The following PCBP3 variants were observed in gnomAD, a reference collection of about 807,000 sequenced individuals.
PCBP3 encodes poly(rC)-binding protein 3.
Under a neutral mutation model 52.7 loss-of-function variants are expected in PCBP3, and 25 were observed. That is an observed-to-expected ratio of 0.47 (90% CI 0.35 to 0.66). The LOEUF (loss-of-function observed/expected upper bound fraction) is 0.66, where lower values mean the gene tolerates loss of function less well. PCBP3 is among the 30% of genes least tolerant of loss of function. The pLI is 0.01. For missense variants in PCBP3, 391 were observed against 490.3 expected, an observed-to-expected ratio of 0.80 and a Z score of 1.91; for synonymous variants, 162 against 183.0, an observed-to-expected ratio of 0.89 and a Z score of 0.93.
intron 16 of PCBP3, among the ~76,000 whole-genome samples, chr21:45,938,530 A>G (rs920360605): frequency 3.3e-5 from 5 of 152,182 alleles, no homozygotes; most frequent in Non-Finnish European, 5.9e-5. Context: ...CCATGTGCCA[A>G]TTAGGAAACC....
intron 4 of PCBP3, among the ~76,000 whole-genome samples, chr21:45,831,978 T>C (rs1004815375): frequency 6.6e-6 from 1 of 152,172 alleles, no homozygotes; most frequent in African/African-American, 2.4e-5. Flanking sequence ...CCCAAAGTGC[T>C]GGAATTACAG....
At chr21:45,738,394 A>G (rs1474854237) in intron 3 of PCBP3, among the ~76,000 whole-genome samples, 2 of 151,566 alleles carry the variant, frequency 1.3e-5, no homozygotes, top group Non-Finnish European at 1.5e-5. Context: ...AGCTGGGACT[A>G]CAGACGCCCG....
At chr21:45,819,127 G>A (rs1377879034) in intron 4 of PCBP3, among the ~76,000 whole-genome samples, 3 of 152,054 alleles carry the variant, frequency 2.0e-5, no homozygotes, top group Non-Finnish European at 4.4e-5. Flanking sequence ...GTACAGCACC[G>A]AGCGTGAGCC....
intron 4 of PCBP3, among the ~76,000 whole-genome samples, chr21:45,786,368 G>A (rs889969986): frequency 2.0e-5 from 3 of 151,520 alleles, no homozygotes; most frequent in Non-Finnish European, 2.9e-5. Context: ...TCAGCTCATT[G>A]CAGCCTCTAC....
At chr21:45,723,642 G>A (rs2838984) in intron 2 of PCBP3, among the ~76,000 whole-genome samples, 103,943 of 152,118 alleles carry the variant, frequency 0.68, 36,951 homozygotes, top group African/African-American at 0.88. Context: ...AAAGTGAAAT[G>A]AAAAGTACAC....
chr21:45,672,478 A>G (rs2081232898), intron 2 of PCBP3, among the ~76,000 whole-genome samples: 1 of 151,990 alleles, frequency 6.6e-6, no homozygotes, highest in Non-Finnish European at 1.5e-5. Context: ...TGACTGTTTT[A>G]GGCTCATGTT....
intron 2 of PCBP3, among the ~76,000 whole-genome samples, chr21:45,690,411 A>G (rs1186898119): frequency 6.6e-6 from 1 of 152,184 alleles, no homozygotes; most frequent in Non-Finnish European, 1.5e-5. Context: ...CTAGATTCTT[A>G]GATACATCAA....
chr21:45,895,785 C>T (rs1035325390), intron 5 of PCBP3, among the ~76,000 whole-genome samples: 2 of 152,254 alleles, frequency 1.3e-5, no homozygotes, highest in African/African-American at 4.8e-5. Context: ...TCAGGGGACT[C>T]TGGCACCCCG....
At chr21:45,834,939 G>A (rs867199192) in intron 4 of PCBP3, among the ~76,000 whole-genome samples, 32 of 152,358 alleles carry the variant, frequency 2.1e-4, no homozygotes, top group South Asian at 2.1e-3. Flanking sequence ...CCCTCAAAGC[G>A]CTGCTGGAAA....
chr21:45,911,274 AG>A, intron 11 of PCBP3: 1 of 569,914 alleles, frequency 1.8e-6, no homozygotes, highest in Non-Finnish European at 3.2e-6. Flanking sequence ...TGTGGAGAGG[AG>A]GGAGCCTCTC....
intron 15 of PCBP3, among the ~76,000 whole-genome samples, chr21:45,933,875 G>T (rs1603548755): frequency 6.6e-6 from 1 of 152,156 alleles, no homozygotes; most frequent in South Asian, 2.1e-4. Flanking sequence ...CCCACCCAGG[G>T]CCCAGGGAGG....
chr21:45,705,002 G>A (rs894303931), intron 2 of PCBP3, among the ~76,000 whole-genome samples: 7 of 152,096 alleles, frequency 4.6e-5, no homozygotes, highest in African/African-American at 7.2e-5. Flanking sequence ...TTCTGGCTTC[G>A]GTGTGCTGAT....
intron 5 of PCBP3, chr21:45,894,115 A>G (rs2095757988): frequency 7.1e-6 from 6 of 841,204 alleles, no homozygotes; most frequent in Non-Finnish European, 8.6e-6. Context: ...GGAGCAGGGT[A>G]GGTCCTCTGG....
chr21:45,889,107 C>T lies in PCBP3; in HGVS notation c.11-7101C>T, dbSNP rs1392646123. 5.3e-5 allele frequency among the ~76,000 whole-genome samples: 8 copies of T among 152,298 alleles called. No individual in the cohort carries two copies. In the East Asian group the frequency reaches 1.5e-3, roughly 29 times the overall value. On this transcript the variant is annotated intron_variant, in intron 5 of 17. Transcript: ENST00000681687. The stretch of plus-strand genomic sequence containing the variant: ...CCCGTGCACTGTTGCATGACTGGAG[C>T]TGTGTTGATGCCCTCATCCTGGGTC...
intron 2 of PCBP3, among the ~76,000 whole-genome samples, chr21:45,728,332 T>C (rs981218214): frequency 2.0e-5 from 3 of 152,226 alleles, no homozygotes; most frequent in Non-Finnish European, 4.4e-5. Context: ...TTTCTCTGTA[T>C]CTATTGAGAT....
chr21:45,655,305 T>G (rs1436375264), intron 1 of PCBP3, among the ~76,000 whole-genome samples: 3 of 151,896 alleles, frequency 2.0e-5, no homozygotes, highest in Non-Finnish European at 4.4e-5. Context: ...CTGCAACATC[T>G]TCGGGAAACA....
intron 11 of PCBP3, among the ~76,000 whole-genome samples, chr21:45,913,270 T>C (rs1435610806): frequency 6.6e-6 from 1 of 152,272 alleles, no homozygotes; most frequent in Non-Finnish European, 1.5e-5. Context: ...TGGGATTTTT[T>C]CCTCTGGAGT....
chr21:45,652,608 A>C (rs920370418), intron 1 of PCBP3, among the ~76,000 whole-genome samples: 2 of 151,834 alleles, frequency 1.3e-5, no homozygotes, highest in Non-Finnish European at 2.9e-5. Flanking sequence ...CGCCTGGCTA[A>C]TTTTTGTATT....
Position 45,660,739 on chromosome 21 carries a change from G to A in PCBP3, c.-278-8135G>A, listed in dbSNP as rs1166163241. 2.0e-5 allele frequency among the ~76,000 whole-genome samples: 3 copies of A among 151,982 alleles called. No homozygotes were observed. The East Asian group carries it at 5.8e-4, about 29-fold the overall frequency. On this transcript the variant is annotated intron_variant, in intron 1 of 17. Transcript: ENST00000681687. The stretch of plus-strand genomic sequence containing the variant: ...CTCCTTCTTCCTTTGTGCTGTTATT[G>A]TCATACAAAGTACATCTTGCTGGGC...
Sources: gnomAD v4.1 joint callset for allele counts (sites outside exome capture counted in the v4.1 genomes callset) on GRCh38, gnomAD v4.1.1 for gene constraint, MANE v1.5 for transcripts, NCBI Gene and HGNC (gene_info 2026-07-23, HGNC 2026-07-21) for gene names.